The following MTMR2 variants were observed in gnomAD, a reference collection of about 807,000 sequenced individuals.
The protein encoded by MTMR2 is myotubularin related protein 2.
Under a neutral mutation model 86.9 loss-of-function variants are expected in MTMR2, and 55 were observed. That is an observed-to-expected ratio of 0.63 (90% CI 0.51 to 0.79). The LOEUF is 0.79. Ranked by LOEUF, MTMR2 falls within the 30% of genes least tolerant of loss-of-function variation. The pLI is 0.00. For missense variants in MTMR2, 659 were observed against 772.3 expected (o/e 0.85, Z 1.74); for synonymous variants, 241 against 266.8 (o/e 0.90, Z 0.94).
chr11:95,923,979 A>C lies in MTMR2; in HGVS notation c.-25T>G. The C allele has an allele frequency of 6.4e-7, 1 of 1,553,570 alleles. No homozygotes were observed. The highest frequency in any genetic ancestry group is 1.2e-5 in the South Asian group (1 of 84,292). On this transcript the variant is annotated 5_prime_UTR_variant, in exon 1 of 15. Coordinates refer to ENST00000346299, the MANE Select transcript of MTMR2 (RefSeq NM_016156.6). ...TCGCGCGGCAGGGGCAGCACAGGGA[A>C]AGGCTGAAGCAGTCTTCGCGGCTAC...
chr11:95,845,428 G>A (rs1715537665), intron 10 of MTMR2, among the ~76,000 whole-genome samples: 1 of 152,096 alleles, frequency 6.6e-6, no homozygotes, highest in African/African-American at 2.4e-5. Context: ...AAATCATGGT[G>A]TAAGATTCTT....
chr11:95,902,363 C>G (rs1866105643), intron 1 of MTMR2, among the ~76,000 whole-genome samples: 1 of 152,166 alleles, frequency 6.6e-6, no homozygotes, highest in Non-Finnish European at 1.5e-5. Context: ...GTCAGCCTCT[C>G]CAATACCATT....
chr11:95,846,832 T>A (rs943448144), intron 10 of MTMR2, among the ~76,000 whole-genome samples: 1 of 152,170 alleles, frequency 6.6e-6, no homozygotes, highest in African/African-American at 2.4e-5. Flanking sequence ...GTTTATACTT[T>A]GTGATTTTCA....
intron 2 of MTMR2, 67 bp downstream of exon 2, chr11:95,888,089 T>C (rs576721990): frequency 2.6e-5 from 30 of 1,151,824 alleles, no homozygotes; most frequent in African/African-American, 1.1e-4. Context: ...ATTAGTTATA[T>C]TGATAGTGTT....
chr11:95,834,929 G>A lies in MTMR2; in HGVS notation c.*361C>T. 3.3e-6 allele frequency: 1 copy of A among 299,744 alleles called. No individual in the cohort carries two copies. The highest frequency in any genetic ancestry group is 6.5e-6 in the Non-Finnish European group (1 of 153,138). 18.6% of individuals were successfully genotyped at this position (299,744 alleles called of 1,614,324 possible). On this transcript the variant is annotated 3_prime_UTR_variant, in exon 15 of 15. Transcript: ENST00000346299. ...TTGGTTTGAAAACTGATGTTCCTCT[G>A]CACAGTGAGCACAGAGTGTATTTCT...
chr11:95,889,219 C>T (rs1865624483), intron 1 of MTMR2, among the ~76,000 whole-genome samples: 2 of 151,758 alleles, frequency 1.3e-5, no homozygotes, highest in Admixed American at 1.3e-4. Flanking sequence ...CTGCAACCTC[C>T]GCCTCCCAGG....
intron 12 of MTMR2, among the ~76,000 whole-genome samples, 171 bp downstream of exon 12, chr11:95,841,446 T>C (rs1332629548): frequency 6.6e-6 from 1 of 152,296 alleles, no homozygotes; most frequent in African/African-American, 2.4e-5. Flanking sequence ...TTTTCAAGTG[T>C]TAATCTTTAA....
intron 1 of MTMR2, among the ~76,000 whole-genome samples, chr11:95,908,471 C>A (rs1157841803): frequency 2.0e-5 from 3 of 152,020 alleles, no homozygotes; most frequent in Non-Finnish European, 4.4e-5. Context: ...ATATTCTTCA[C>A]AAAATTAGAA....
intron 1 of MTMR2, among the ~76,000 whole-genome samples, chr11:95,909,833 T>C (rs1358467533): frequency 2.0e-5 from 3 of 152,122 alleles, no homozygotes. Flanking sequence ...AGTACTGAAC[T>C]GGTAGAAAGT....
chr11:95,918,595 A>G (rs1394525776), intron 1 of MTMR2, among the ~76,000 whole-genome samples: 1 of 152,222 alleles, frequency 6.6e-6, no homozygotes, highest in Non-Finnish European at 1.5e-5. Flanking sequence ...TGAAATCCAA[A>G]TAAGTAATTT....
At chr11:95,896,902 T>TAAAA (rs777931000) in intron 1 of MTMR2, among the ~76,000 whole-genome samples, 11 of 129,882 alleles carry the variant, frequency 8.5e-5, no homozygotes, top group African/African-American at 2.8e-4. Flanking sequence ...TGACAATCTT[T>TAAAA]AAAAAAAAAA....
chr11:95,875,916 A>G (rs1263539885), intron 2 of MTMR2, among the ~76,000 whole-genome samples: 1 of 152,102 alleles, frequency 6.6e-6, no homozygotes, highest in Non-Finnish European at 1.5e-5. Flanking sequence ...AGAACAGTAG[A>G]TATTGGTGAA....
chr11:95,873,777 A>C (rs1258410963), intron 2 of MTMR2, among the ~76,000 whole-genome samples: 2 of 151,638 alleles, frequency 1.3e-5, no homozygotes, highest in African/African-American at 4.8e-5. Context: ...TGTGTCCCAG[A>C]GATTCTGGTA....
In MTMR2 at chr11:95,833,900, T is replaced by A. The variant is rs187211111; in HGVS notation, c.*1390A>T. The A allele has an allele frequency of 1.1e-4, 16 of 151,988 alleles. No homozygotes were observed. The East Asian group carries it at 2.9e-3, about 27-fold the overall frequency. The allele number at this position is 151,988 out of a possible 1,614,324, so 9.4% of individuals were successfully genotyped here. A position where few individuals can be genotyped will look rare whatever the true frequency, so the allele number is the denominator to read the frequency against. ...CTCACTGCAAGACCAAGAGGGAGGC[T>A]AAGGTTCAGACTCTCTGTATAGTGA... On this transcript the variant is annotated 3_prime_UTR_variant, in exon 15 of 15. Coordinates refer to ENST00000346299, the MANE Select transcript of MTMR2 (RefSeq NM_016156.6).
chr11:95,854,197 C>T (rs535797471), intron 7 of MTMR2, among the ~76,000 whole-genome samples: 1 of 152,162 alleles, frequency 6.6e-6, no homozygotes, highest in Non-Finnish European at 1.5e-5. Flanking sequence ...CAGACACTCT[C>T]TTTGTAGACT....
At position 95,847,915 on chromosome 11, in the gene MTMR2, C is replaced by A; in HGVS notation, c.994-16G>T. ...CACCCTTTGCCTGGAAAAAAGCACA[C>A]ATCATGGAAAATCATAAATGAATGC... On this transcript the variant is annotated splice_polypyrimidine_tract_variant and intron_variant, in intron 9 of 14. Transcript: ENST00000346299. The A allele has an allele frequency of 6.3e-7, 1 of 1,589,568 alleles. No individual in the cohort carries two copies. Among genetic ancestry groups the A allele is most frequent in the Middle Eastern group, 1.7e-4 (1 of 5,944 alleles).
At chr11:95,868,930 C>G (rs1417020825) in intron 2 of MTMR2, among the ~76,000 whole-genome samples, 4 of 147,090 alleles carry the variant, frequency 2.7e-5, no homozygotes, top group Non-Finnish European at 6.0e-5. Flanking sequence ...TCAGAAAATA[C>G]AACCCAGAAA....
chr11:95,887,246 C>G (rs1160567790), intron 2 of MTMR2, among the ~76,000 whole-genome samples: 4 of 152,044 alleles, frequency 2.6e-5, no homozygotes, highest in Non-Finnish European at 5.9e-5. Flanking sequence ...GTAAGTGTAA[C>G]CAGTGAGAAA....
intron 1 of MTMR2, among the ~76,000 whole-genome samples, chr11:95,900,511 A>C (rs151165079): frequency 0.012 from 1,896 of 152,352 alleles, 49 homozygotes; most frequent in South Asian, 0.035. Flanking sequence ...AGAAATACTT[A>C]TTTGACATGA....
Sources: gnomAD v4.1 joint callset for allele counts (sites outside exome capture counted in the v4.1 genomes callset) on GRCh38, gnomAD v4.1.1 for gene constraint, MANE v1.5 for transcripts, NCBI Gene and HGNC (gene_info 2026-07-23, HGNC 2026-07-21) for gene names.